Variants in FOXR1 observed in about 807,000 individuals in gnomAD.
The protein encoded by FOXR1 is forkhead box protein R1.
Under a neutral mutation model 34.5 loss-of-function variants are expected in FOXR1, and 25 were observed. The ratio of observed to expected loss-of-function variants is 0.72; its 90% confidence interval spans 0.53 to 1.01. The LOEUF is 1.01. FOXR1 is among the 50% of genes least tolerant of loss of function. The probability of loss-of-function intolerance (pLI) is 0.00; values close to 1 mark genes in which losing one functional copy is unlikely to be tolerated. For synonymous variants in FOXR1, 153 were observed against 141.6 expected, an observed-to-expected ratio of 1.08 and a Z score of -0.57; for missense variants, 373 against 376.2, an observed-to-expected ratio of 0.99 and a Z score of 0.07.
At chr11:118,975,709 T>C (rs755610379) in intron 1 of FOXR1, among the ~76,000 whole-genome samples, 27 of 152,144 alleles carry the variant, frequency 1.8e-4, no homozygotes, top group Non-Finnish European at 3.1e-4. Flanking sequence ...AGGGGAAGAT[T>C]TGTGGAACAA....
At chr11:118,972,611 CTCTTT>C (rs1437180788) in intron 1 of FOXR1, among the ~76,000 whole-genome samples, 1 of 150,752 alleles carries the variant, frequency 6.6e-6, no homozygotes, top group African/African-American at 2.4e-5. Context: ...CTTGGATTAA[CTCTTT>C]TTTTTTTTTC....
intron 1 of FOXR1, among the ~76,000 whole-genome samples, chr11:118,972,934 C>T (rs970478869): frequency 1.3e-5 from 2 of 152,124 alleles, no homozygotes; most frequent in African/African-American, 4.8e-5. Context: ...CTTCCATTAC[C>T]TCTGCTGCTC....
chr11:118,972,138 C>A (rs946235224), intron 1 of FOXR1, 146 bp downstream of exon 1: 3 of 704,378 alleles, frequency 4.3e-6, no homozygotes, highest in East Asian at 3.0e-5. Flanking sequence ...CGCCCCCCCC[C>A]CCCGACGGCT....
chr11:118,978,438 C>T (rs934644617), intron 1 of FOXR1, among the ~76,000 whole-genome samples: 1 of 152,104 alleles, frequency 6.6e-6, no homozygotes, highest in East Asian at 1.9e-4. Context: ...GTGGGCTACC[C>T]AAGTAAAGAC....
chr11:118,977,829 G>A (rs956321910), intron 1 of FOXR1, among the ~76,000 whole-genome samples: 8 of 152,148 alleles, frequency 5.3e-5, no homozygotes, highest in African/African-American at 1.4e-4. Context: ...GCTCACGCCC[G>A]TAATCCCAAC....
In FOXR1 at chr11:118,978,975, A is replaced by G. The variant is rs782415739; in HGVS notation, c.155A>G (p.Asn52Ser). 9.3e-6 allele frequency: 15 copies of G among 1,605,310 alleles called. No individual in the cohort carries two copies. In the South Asian group the frequency reaches 1.5e-4, roughly 17 times the overall value. Residue 52 changes from asparagine (N) to serine (S), a missense_variant, in exon 3 of 6, where the codon AAC (asparagine) becomes AGC (serine). Transcript: ENST00000317011. ...PDKDGPDYEP[N>S]LWMWVNPNIV... ...TGCACAGGTCCAGATTATGAGCCCAACCTCTGGATGTGGGTAAATCCCAAC... is the reference window on the plus strand; with the variant it reads ...TGCACAGGTCCAGATTATGAGCCCAGCCTCTGGATGTGGGTAAATCCCAAC...
At chr11:118,979,239 C>T in intron 3 of FOXR1, 35 bp downstream of exon 3, 1 of 1,508,444 alleles carries the variant, frequency 6.6e-7, no homozygotes, top group South Asian at 1.4e-5. Flanking sequence ...GGGACTTGGG[C>T]AGTAGGCGAG....
chr11:118,972,278 C>T (rs1019522756), intron 1 of FOXR1, among the ~76,000 whole-genome samples: 1 of 152,090 alleles, frequency 6.6e-6, no homozygotes, highest in Non-Finnish European at 1.5e-5. Flanking sequence ...AAAACGGAGG[C>T]TTTCCACTCT....
At chr11:118,978,658 G>A (rs45491601) in intron 1 of FOXR1, 124 bp from the exon 2 acceptor site, 10,613 of 925,368 alleles carry the variant, frequency 0.011, 92 homozygotes, top group Non-Finnish European at 0.015. Flanking sequence ...GAAGTAGAAT[G>A]TGATGTTAAC....
intron 1 of FOXR1, among the ~76,000 whole-genome samples, chr11:118,978,373 C>T (rs139507312): frequency 6.6e-6 from 1 of 152,000 alleles, no homozygotes; most frequent in Non-Finnish European, 1.5e-5. Context: ...TACAAGAATA[C>T]AGGAGGAAGA....
chr11:118,979,643 G>A lies in FOXR1; in HGVS notation c.586G>A (p.Val196Met). ...AAACAGTTCCCCCTGTGGCCTCAAC[G>A]TGCAACAGATCTACAGTTTCACTCG... ...LRNSSPCGLNVQQIYSFTRKH... is the reference protein window; with the variant it reads ...LRNSSPCGLNMQQIYSFTRKH... Residue 196 changes from valine to methionine, a missense_variant, in exon 4 of 6, where the codon GTG becomes ATG. Val to Met is a conservative substitution (Grantham distance 21). Transcript: ENST00000317011. The A allele has an allele frequency of 3.1e-6, 5 of 1,608,212 alleles. No homozygotes were observed. Among genetic ancestry groups the A allele is most frequent in the Non-Finnish European group, 4.2e-6 (5 of 1,177,142 alleles).
intron 5 of FOXR1, 77 bp from the exon 6 acceptor site, chr11:118,981,131 G>T: frequency 7.0e-7 from 1 of 1,434,424 alleles, no homozygotes; most frequent in Non-Finnish European, 9.8e-7. Context: ...CAGATGACCT[G>T]CTATGAGAGA....
chr11:118,972,002 G>A lies in FOXR1; in HGVS notation c.61+10G>A, dbSNP rs1044706547. 5 of 1,546,148 alleles carry A rather than the reference G, an allele frequency of 3.2e-6. No individual in the cohort carries two copies. Among genetic ancestry groups the A allele is most frequent in the South Asian group, 1.2e-5 (1 of 83,840 alleles). ...TTAGCGGAGCAGAAACGTGAGTAGC[G>A]GGTGGGGTGAGGTGGGGGGCTGGGC... On this transcript the variant is annotated intron_variant, in intron 1 of 5. Coordinates refer to ENST00000317011, the MANE Select transcript of FOXR1 (RefSeq NM_181721.3).
Position 118,979,109 on chromosome 11 carries a change from T to G in FOXR1, c.289T>G (p.Cys97Gly), listed in dbSNP as rs1370060077. 2 of 1,607,320 alleles carry G rather than the reference T, an allele frequency of 1.2e-6. No homozygotes were observed. The highest frequency in any genetic ancestry group is 1.3e-5 in the African/African-American group (1 of 74,612). ...ACCCCAGAAGGAGGAAGATGCCAGC[T>G]GCTCAGAGGCCGCAGGGGTGGAATC... ...QPPQKEEDAS[C>G]SEAAGVESLS... The change falls in exon 3 of 6, where the codon TGC becomes GGC. Residue 97 changes from cysteine to glycine, a missense_variant. Physicochemically the swap from Cys to Gly is radical, Grantham distance 159. Transcript: ENST00000317011.
At chr11:118,974,860 G>A (rs1386168922) in intron 1 of FOXR1, among the ~76,000 whole-genome samples, 1 of 152,174 alleles carries the variant, frequency 6.6e-6, no homozygotes, top group Non-Finnish European at 1.5e-5. Context: ...TGACCTAGTG[G>A]AAGGATAGAG....
chr11:118,973,842 C>T (rs1048777726), intron 1 of FOXR1, among the ~76,000 whole-genome samples: 10 of 151,944 alleles, frequency 6.6e-5, no homozygotes, highest in Admixed American at 5.3e-4. Context: ...TACAGGCATG[C>T]ATCACCACAC....
chr11:118,972,141 C>A (rs1941716250), intron 1 of FOXR1, 149 bp downstream of exon 1: 9 of 669,638 alleles, frequency 1.3e-5, no homozygotes, highest in Non-Finnish European at 2.1e-5. Context: ...CCCCCCCCCC[C>A]GACGGCTTAG....
intron 5 of FOXR1, 23 bp from the exon 6 acceptor site, chr11:118,981,185 T>C (rs782372582): frequency 1.9e-6 from 3 of 1,613,888 alleles, no homozygotes; most frequent in East Asian, 2.2e-5. Context: ...TATAAACTCC[T>C]GAACTCTCTC....
rs1237182685 is a variant in FOXR1 at position 118,971,969 on chromosome 11, A to G, written c.38A>G (p.His13Arg). The part of the protein sequence containing the change: ...NELFLAFTTS[H>R]LPLAEQKLAR... ...CTCTTTCTGGCCTTCACCACATCTCACCTCCCCTTAGCGGAGCAGAAACGT... is the reference window on the plus strand; with the variant it reads ...CTCTTTCTGGCCTTCACCACATCTCGCCTCCCCTTAGCGGAGCAGAAACGT... Residue 13 changes from histidine (H) to arginine (R), a missense_variant, in exon 1 of 6, where the codon CAC becomes CGC. By Grantham distance (29) the His-to-Arg change is conservative. Transcript: ENST00000317011. The G allele has an allele frequency of 6.5e-7, 1 of 1,534,288 alleles. No homozygotes were observed. Among genetic ancestry groups the G allele is most frequent in the Non-Finnish European group, 8.8e-7 (1 of 1,137,140 alleles).
Sources: allele counts gnomAD v4.1 joint callset (sites outside exome capture counted in the v4.1 genomes callset), GRCh38; gene constraint gnomAD v4.1.1; transcripts MANE v1.5; gene names NCBI Gene and HGNC (gene_info 2026-07-23, HGNC 2026-07-21).